GOLPH3L: variants seen among roughly 807,000 people sequenced by gnomAD.
GOLPH3L encodes the protein Golgi phosphoprotein 3-like.
GOLPH3L carries 22 observed loss-of-function variants against 30.3 expected under a neutral mutation model. The observed-to-expected ratio is 0.73, with a 90% confidence interval of 0.52 to 1.04. GOLPH3L has a LOEUF of 1.04. GOLPH3L is among the 50% of genes least tolerant of loss of function. GOLPH3L has a pLI of 0.00. For synonymous variants in GOLPH3L, 120 were observed against 128.2 expected, an observed-to-expected ratio of 0.94 and a Z score of 0.43; for missense variants, 303 against 345.8, an observed-to-expected ratio of 0.88 and a Z score of 0.98.
intron 4 of GOLPH3L, among the ~76,000 whole-genome samples, chr1:150,652,666 G>A (rs1198754878): frequency 6.6e-6 from 1 of 151,934 alleles, no homozygotes; most frequent in African/African-American, 2.4e-5. Context: ...CATCTCAACT[G>A]ATTTATAAAG....
intron 2 of GOLPH3L, among the ~76,000 whole-genome samples, chr1:150,667,602 T>A (rs55890313): frequency 0.074 from 11,195 of 150,318 alleles, 597 homozygotes; most frequent in East Asian, 0.18. Flanking sequence ...TTTCTTTTTT[T>A]TTTTTTTTTG....
chr1:150,656,189 C>T (rs997745301), intron 4 of GOLPH3L, among the ~76,000 whole-genome samples: 4 of 152,164 alleles, frequency 2.6e-5, no homozygotes, highest in Non-Finnish European at 4.4e-5. Flanking sequence ...TTGCAAAATT[C>T]GATTTCTCGT....
chr1:150,694,720 T>C lies in GOLPH3L; in HGVS notation c.119A>G (p.Asp40Gly). Residue 40 changes from aspartate to glycine, a missense_variant, in exon 2 of 5, where the codon GAC (aspartate) becomes GGC (glycine). Transcript: ENST00000271732. ...AAGAGTAAGGCGGATATCCTTAGAG[T>C]CTCCAGAATCTTCATTGTCTGGACT... is the stretch of plus-strand genomic sequence containing the variant. The part of the protein sequence containing the change: ...EKSPDNEDSG[D>G]SKDIRLTLME... The C allele has an allele frequency of 6.2e-7, 1 of 1,610,242 alleles. No homozygotes were observed. Among genetic ancestry groups the C allele is most frequent in the Non-Finnish European group, 8.5e-7 (1 of 1,176,562 alleles).
intron 2 of GOLPH3L, among the ~76,000 whole-genome samples, chr1:150,666,897 TCTTC>T (rs2101794410): frequency 6.6e-6 from 1 of 152,304 alleles, no homozygotes; most frequent in East Asian, 1.9e-4. Flanking sequence ...ATTTGTCACT[TCTTC>T]CTTGTTTGTA....
At position 150,648,127 on chromosome 1, in the gene GOLPH3L, G is replaced by A; in HGVS notation, c.*194C>T. The A allele has an allele frequency of 3.9e-6, 2 of 510,298 alleles. No individual in the cohort carries two copies. The highest frequency in any genetic ancestry group is 3.5e-6 in the Non-Finnish European group (1 of 289,604). 31.6% of individuals were successfully genotyped at this position (510,298 alleles called of 1,614,324 possible). A position where few individuals can be genotyped will look rare whatever the true frequency, so the allele number is the denominator to read the frequency against. ...GTTTATTTACCTATGGAGTGGAAGT[G>A]TAGGGAGAAATAAGGTCTGCTTATA... On this transcript the variant is annotated 3_prime_UTR_variant, in exon 5 of 5. Transcript: ENST00000271732.
chr1:150,663,189 A>T (rs945272154), intron 3 of GOLPH3L, among the ~76,000 whole-genome samples: 2 of 151,752 alleles, frequency 1.3e-5, no homozygotes, highest in Non-Finnish European at 2.9e-5. Context: ...CGCCCGCCAC[A>T]ATGCCCCGCT....
At chr1:150,688,301 A>G (rs879366219) in intron 2 of GOLPH3L, among the ~76,000 whole-genome samples, 2 of 152,258 alleles carry the variant, frequency 1.3e-5, no homozygotes, top group African/African-American at 2.4e-5. Context: ...TTCAGTTTTA[A>G]AACACTGGAG....
chr1:150,665,079 T>A (rs989671490), intron 2 of GOLPH3L, among the ~76,000 whole-genome samples: 2 of 152,142 alleles, frequency 1.3e-5, no homozygotes, highest in African/African-American at 4.8e-5. Context: ...ATATACTAGA[T>A]ATGTGCTAAT....
In GOLPH3L at chr1:150,689,930, C is replaced by T. The variant is rs183605648; in HGVS notation, c.183+4726G>A. 1.1e-3 allele frequency among the ~76,000 whole-genome samples: 163 copies of T among 151,556 alleles called. 2 individuals carry two copies. The South Asian group carries it at 0.024, about 22-fold the overall frequency. ...CTGGGATTATAGATGTGAGCCACTG[C>T]GTCTGGCCAGATGCTTAATATTTTA... On this transcript the variant is annotated intron_variant, in intron 2 of 4. Coordinates refer to ENST00000271732, the MANE Select transcript of GOLPH3L (RefSeq NM_018178.6).
At chr1:150,693,827 A>G (rs368858912) in intron 2 of GOLPH3L, among the ~76,000 whole-genome samples, 365 of 35,754 alleles carry the variant, frequency 0.01, 3 homozygotes, top group African/African-American at 0.017. Flanking sequence ...GTGTATATAT[A>G]TATATATATA....
chr1:150,683,690 ACTCT>A (rs1417394491), intron 2 of GOLPH3L, among the ~76,000 whole-genome samples: 1 of 113,248 alleles, frequency 8.8e-6, no homozygotes, highest in Admixed American at 1.1e-4. Flanking sequence ...ACAGAGCGAG[ACTCT>A]CTCTCAAAAA....
intron 2 of GOLPH3L, among the ~76,000 whole-genome samples, chr1:150,677,180 C>T (rs1459116975): frequency 6.6e-6 from 1 of 151,758 alleles, no homozygotes; most frequent in East Asian, 1.9e-4. Flanking sequence ...AAGCAATTCT[C>T]CTGCTTCAGC....
intron 2 of GOLPH3L, among the ~76,000 whole-genome samples, chr1:150,681,800 C>G (rs1650957097): frequency 6.6e-6 from 1 of 152,134 alleles, no homozygotes; most frequent in Non-Finnish European, 1.5e-5. Context: ...GGCATGGTGG[C>G]TCACACCTGT....
intron 4 of GOLPH3L, 81 bp from the exon 5 acceptor site, chr1:150,648,829 G>A: frequency 1.2e-6 from 1 of 823,536 alleles, no homozygotes; most frequent in Non-Finnish European, 2.0e-6. Flanking sequence ...AAACTTGAAT[G>A]GCTAAAATGT....
At chr1:150,671,237 A>AT (rs748170216) in intron 2 of GOLPH3L, among the ~76,000 whole-genome samples, 5 of 151,562 alleles carry the variant, frequency 3.3e-5, no homozygotes, top group Non-Finnish European at 7.4e-5. Context: ...GTAAGACTCC[A>AT]TCTCAAGAAA....
intron 4 of GOLPH3L, among the ~76,000 whole-genome samples, chr1:150,656,986 T>C (rs1482556340): frequency 6.6e-6 from 1 of 152,184 alleles, no homozygotes; most frequent in African/African-American, 2.4e-5. Context: ...AAAGGTAAAG[T>C]TTTCCAGACG....
intron 4 of GOLPH3L, among the ~76,000 whole-genome samples, chr1:150,654,337 T>C (rs892107898): frequency 6.6e-6 from 1 of 151,290 alleles, no homozygotes; most frequent in Non-Finnish European, 1.5e-5. Context: ...GGAAACCCTA[T>C]CTCTACTGAA....
chr1:150,676,819 T>G (rs754666567), intron 2 of GOLPH3L, among the ~76,000 whole-genome samples: 3 of 151,882 alleles, frequency 2.0e-5, no homozygotes, highest in Non-Finnish European at 4.4e-5. Flanking sequence ...AATTTTTGTA[T>G]TTTTAGTAGA....
chr1:150,675,954 T>TC (rs1438365947), intron 2 of GOLPH3L, among the ~76,000 whole-genome samples: 1 of 149,368 alleles, frequency 6.7e-6, no homozygotes, highest in Non-Finnish European at 1.5e-5. Flanking sequence ...TTGATTGAAC[T>TC]CCTCCCTCCC....
Sources: gnomAD v4.1 joint callset for allele counts (sites outside exome capture counted in the v4.1 genomes callset) on GRCh38, gnomAD v4.1.1 for gene constraint, MANE v1.5 for transcripts, NCBI Gene and HGNC (gene_info 2026-07-23, HGNC 2026-07-21) for gene names.